The following CCDC171 variants were observed in gnomAD, a reference collection of about 807,000 sequenced individuals.
CCDC171 encodes the protein coiled-coil domain-containing protein 171.
In CCDC171, 177 loss-of-function variants were observed where a neutral mutation model predicts 168.2. The ratio of observed to expected loss-of-function variants is 1.05; its 90% CI spans 0.93 to 1.19. The LOEUF (loss-of-function observed/expected upper bound fraction) is 1.19. Among genes scored for constraint, CCDC171 ranks in the 50% most tolerant of loss-of-function variants. The probability of loss-of-function intolerance (pLI) is 0.00; values close to 1 mark genes in which losing one functional copy is unlikely to be tolerated. For missense variants in CCDC171, 1,991 were observed against 1,539.0 expected (o/e 1.29, Z -4.91); for synonymous variants, 687 against 540.8 (o/e 1.27, Z -3.75).
intron 6 of CCDC171, among the ~76,000 whole-genome samples, chr9:15,612,198 TAAG>T (rs1474168432): frequency 6.6e-6 from 1 of 152,226 alleles, no homozygotes. Flanking sequence ...CTGGATGGAC[TAAG>T]ACATTGTGCC....
In CCDC171 at chr9:15,744,864, A is replaced by T. The variant is rs966060317; in HGVS notation, c.2554+87A>T. On this transcript the variant is annotated intron_variant, in intron 17 of 25. Coordinates refer to ENST00000380701, the MANE Select transcript of CCDC171 (RefSeq NM_173550.4). ...ACCTGGCTATTATGGAAAAACTCTT[A>T]AAAAATCATGTAATATGCCAAATAA... 58 of 1,287,006 alleles carry T rather than the reference A, an allele frequency of 4.5e-5. No individual in the cohort carries two copies. The African/African-American group carries it at 6.2e-4, about 14-fold the overall frequency. 79.7% of individuals were successfully genotyped at this position (1,287,006 alleles called of 1,614,324 possible). A position where few individuals can be genotyped will look rare whatever the true frequency, so the allele number is the denominator to read the frequency against.
In CCDC171 at chr9:15,623,333, T is replaced by C. The variant is rs1439484939; in HGVS notation, c.742T>C (p.Cys248Arg). ...AAAATTAGAAACAGAACATATGGAC[T>C]GCTCTGACCTTTTACGGCGACAAAC... The part of the protein sequence containing the change: ...VEKLETEHMD[C>R]SDLLRRQTSE... The change falls in exon 7 of 26, where the codon TGC becomes CGC. Residue 248 changes from cysteine (C) to arginine (R), a missense_variant. Cys to Arg is a radical substitution (Grantham distance 180). Transcript: ENST00000380701. 1.9e-6 allele frequency: 3 copies of C among 1,610,696 alleles called. No homozygotes were observed. The highest frequency in any genetic ancestry group is 1.1e-5 in the South Asian group (1 of 90,546).
chr9:15,975,602 C>G (rs10756731), downstream of CCDC171, among the ~76,000 whole-genome samples: 51,466 of 151,996 alleles, frequency 0.34, 10,858 homozygotes, highest in East Asian at 0.62. Flanking sequence ...CACACAGATA[C>G]TCTCAGAAGC....
intron 18 of CCDC171, among the ~76,000 whole-genome samples, chr9:15,765,716 T>C (rs2056685290): frequency 1.3e-5 from 2 of 152,182 alleles, no homozygotes; most frequent in Non-Finnish European, 2.9e-5. Context: ...GATGATCAGC[T>C]GCTTGGGTGT....
At chr9:15,650,773 G>GT (rs552324941) in intron 7 of CCDC171, among the ~76,000 whole-genome samples, 90 of 151,598 alleles carry the variant, frequency 5.9e-4, no homozygotes, top group African/African-American at 1.9e-3. Flanking sequence ...GGGTACATGT[G>GT]TTTTTTTTAT....
intron 23 of CCDC171, among the ~76,000 whole-genome samples, chr9:15,860,297 T>TC (rs990375099): frequency 6.6e-5 from 10 of 151,976 alleles, no homozygotes; most frequent in African/African-American, 2.4e-4. Context: ...TTTCCTTCCT[T>TC]CTGCTAATTT....
At chr9:16,104,065 T>C in the CCDC171 span, among the ~76,000 whole-genome samples, 2 of 152,160 alleles carry the variant, frequency 1.3e-5, no homozygotes, top group Admixed American at 6.5e-5. Flanking sequence ...ACCCCTTCTG[T>C]AGCTTTCAGG....
At position 15,790,889 on chromosome 9, in the gene CCDC171, C is replaced by G. The variant is rs550486389; in HGVS notation, c.3267+6195C>G. On this transcript the variant is annotated intron_variant, in intron 21 of 25. Transcript: ENST00000380701. ...CATTTCTTGTTTTTGTCAGGTTTGT[C>G]AAAGATCAGATGGTTGTAGACATGT... 4.5e-4 allele frequency among the ~76,000 whole-genome samples: 69 copies of G among 152,278 alleles called. 1 individual carries two copies. The East Asian group carries it at 0.013, about 29-fold the overall frequency.
At chr9:16,026,537 C>T (rs1412724357) in intron 6 of CCDC171, among the ~76,000 whole-genome samples, 5 of 152,106 alleles carry the variant, frequency 3.3e-5, no homozygotes, top group African/African-American at 1.2e-4. Context: ...TTAACCTATT[C>T]TTGGACCTTG....
At chr9:15,639,773 G>T (rs990118327) in intron 7 of CCDC171, among the ~76,000 whole-genome samples, 54 of 152,240 alleles carry the variant, frequency 3.5e-4, no homozygotes, top group African/African-American at 1.2e-3. Flanking sequence ...TCTATGTTCT[G>T]CTATGCTTTA....
chr9:15,775,278 T>C (rs918208842), intron 18 of CCDC171, among the ~76,000 whole-genome samples: 2 of 152,260 alleles, frequency 1.3e-5, no homozygotes, highest in South Asian at 2.1e-4. Context: ...TGCAGAATTA[T>C]ATTGTCATTT....
At chr9:16,062,624 A>G (rs974799786), downstream of CCDC171, among the ~76,000 whole-genome samples, 5 of 152,366 alleles carry the variant, frequency 3.3e-5, 1 homozygote, top group South Asian at 1.0e-3. Context: ...TCATTCCTGC[A>G]TTCATTCACT....
At chr9:15,765,613 T>C (rs1588374201) in intron 18 of CCDC171, among the ~76,000 whole-genome samples, 1 of 152,140 alleles carries the variant, frequency 6.6e-6, no homozygotes. Flanking sequence ...AGACTATCAA[T>C]TGAGATGGAG....
At chr9:15,888,036 A>G (rs538281790) in intron 24 of CCDC171, 1 of 152,334 alleles carries the variant, frequency 6.6e-6, no homozygotes, top group South Asian at 2.1e-4. Context: ...AGGTGACCCT[A>G]GGAGACTGTG....
intron 16 of CCDC171, among the ~76,000 whole-genome samples, chr9:15,738,781 A>G (rs768449806): frequency 1.9e-4 from 29 of 152,306 alleles, no homozygotes; most frequent in Middle Eastern, 3.4e-3. Context: ...TGACATGTAG[A>G]TAAGTTCCAA....
intron 18 of CCDC171, among the ~76,000 whole-genome samples, chr9:15,762,039 A>G (rs181468091): frequency 4.2e-4 from 64 of 152,230 alleles, no homozygotes; most frequent in African/African-American, 1.4e-3. Flanking sequence ...AATATATTTT[A>G]TAATGCAGAT....
At chr9:15,946,804 T>C (rs368163519) in intron 25 of CCDC171, among the ~76,000 whole-genome samples, 1 of 152,226 alleles carries the variant, frequency 6.6e-6, no homozygotes, top group East Asian at 2.0e-4. Flanking sequence ...AGTTTTGAAT[T>C]AGATGCCTTT....
intron 18 of CCDC171, among the ~76,000 whole-genome samples, chr9:15,775,580 A>C (rs1164778785): frequency 6.6e-6 from 1 of 152,112 alleles, no homozygotes; most frequent in Non-Finnish European, 1.5e-5. Context: ...AGCCTCCCAA[A>C]GTGCTGGGAT....
chr9:15,976,100 A>G (rs964310610), downstream of CCDC171, among the ~76,000 whole-genome samples: 1 of 152,170 alleles, frequency 6.6e-6, no homozygotes, highest in Non-Finnish European at 1.5e-5. Flanking sequence ...AGGCAAGGAA[A>G]TGGATTCTCC....
Sources: allele counts gnomAD v4.1 joint callset (sites outside exome capture counted in the v4.1 genomes callset), GRCh38; gene constraint gnomAD v4.1.1; transcripts MANE v1.5; gene names NCBI Gene and HGNC (gene_info 2026-07-23, HGNC 2026-07-21).